SH3RF1: variants seen among roughly 807,000 people sequenced by gnomAD.
The protein encoded by SH3RF1 is SH3 domain containing ring finger 1.
A neutral mutation model predicts 74.0 loss-of-function variants in SH3RF1; 32 were observed. That is an observed-to-expected ratio of 0.43 (90% CI 0.33 to 0.58). The LOEUF is 0.58. Among genes scored for constraint, SH3RF1 ranks in the 20% least tolerant of loss-of-function variants. The pLI is 0.05. For synonymous variants in SH3RF1, 396 were observed against 439.6 expected, an observed-to-expected ratio of 0.90 and a Z score of 1.24; for missense variants, 954 against 1,130.9, an observed-to-expected ratio of 0.84 and a Z score of 2.24.
intron 10 of SH3RF1, among the ~76,000 whole-genome samples, chr4:169,113,427 G>C (rs1289851638): frequency 6.6e-6 from 1 of 152,104 alleles, no homozygotes; most frequent in Non-Finnish European, 1.5e-5. Flanking sequence ...TCAAACACAT[G>C]ACACCAAAGC....
chr4:169,235,331 T>C (rs1367320464), intron 2 of SH3RF1, among the ~76,000 whole-genome samples: 8 of 152,348 alleles, frequency 5.3e-5, no homozygotes, highest in African/African-American at 1.9e-4. Context: ...CTCTCTGGCA[T>C]GACAAAATTC....
chr4:169,212,157 C>T (rs552328964), intron 2 of SH3RF1, among the ~76,000 whole-genome samples: 2 of 148,284 alleles, frequency 1.3e-5, no homozygotes, highest in Non-Finnish European at 3.0e-5. Context: ...CCCCGCCTCC[C>T]GGGTTCAAGC....
intron 10 of SH3RF1, among the ~76,000 whole-genome samples, chr4:169,113,275 T>C (rs1198923713): frequency 6.6e-6 from 1 of 152,124 alleles, no homozygotes; most frequent in Non-Finnish European, 1.5e-5. Flanking sequence ...CACACCCAGC[T>C]AATTTTTGTA....
At position 169,130,165 on chromosome 4, in the gene SH3RF1, A is replaced by T; in HGVS notation, c.1069-9T>A. ...GTGGTACTTATATGAACCTGCCGAG[A>T]AAAGAAAAGTTATTAAAAAGAAGAC... On this transcript the variant is annotated splice_polypyrimidine_tract_variant and intron_variant, in intron 5 of 11. Coordinates refer to ENST00000284637, the MANE Select transcript of SH3RF1 (RefSeq NM_020870.4). 1.9e-5 allele frequency: 29 copies of T among 1,540,954 alleles called. No individual in the cohort carries two copies. The highest frequency in any genetic ancestry group is 2.5e-5 in the Non-Finnish European group (29 of 1,150,434).
chr4:169,175,836 CA>C (rs959802659), intron 2 of SH3RF1, among the ~76,000 whole-genome samples: 1 of 152,166 alleles, frequency 6.6e-6, no homozygotes, highest in African/African-American at 2.4e-5. Context: ...CCCCATCCCC[CA>C]ATTCATAAAT....
At chr4:169,128,982 G>C (rs1012255980) in intron 6 of SH3RF1, among the ~76,000 whole-genome samples, 2 of 152,154 alleles carry the variant, frequency 1.3e-5, no homozygotes, top group Admixed American at 6.5e-5. Flanking sequence ...TTTATGGCTA[G>C]GGTTACTGAG....
chr4:169,250,334 T>C (rs1731080662), intron 2 of SH3RF1, among the ~76,000 whole-genome samples: 1 of 151,748 alleles, frequency 6.6e-6, no homozygotes, highest in Admixed American at 6.6e-5. Flanking sequence ...AAAAAAAGCT[T>C]GCGGCAAGAT....
At chr4:169,194,296 C>T (rs1268582093) in intron 2 of SH3RF1, among the ~76,000 whole-genome samples, 1 of 152,200 alleles carries the variant, frequency 6.6e-6, no homozygotes, top group Non-Finnish European at 1.5e-5. Context: ...GGAACAACCA[C>T]CAGGACAAGA....
intron 2 of SH3RF1, among the ~76,000 whole-genome samples, chr4:169,158,203 G>A (rs1452660624): frequency 1.3e-5 from 2 of 152,170 alleles, no homozygotes; most frequent in Non-Finnish European, 2.9e-5. Flanking sequence ...TAGGTCTCTC[G>A]TGTTTGGTGA....
chr4:169,191,520 T>G (rs1011120275), intron 2 of SH3RF1, among the ~76,000 whole-genome samples: 1 of 152,146 alleles, frequency 6.6e-6, no homozygotes, highest in Non-Finnish European at 1.5e-5. Flanking sequence ...CCATCATTAT[T>G]CTTTGAGGAA....
At chr4:169,212,147 C>CCCCGCCTCCCGGGTTCAAGCG (rs1554009027) in intron 2 of SH3RF1, among the ~76,000 whole-genome samples, 2 of 149,194 alleles carry the variant, frequency 1.3e-5, no homozygotes, top group African/African-American at 5.0e-5. Context: ...TCACTGCAAC[C>CCCCGCCTCCCGGGTTCAAGCG]CCCGCCTCCC....
chr4:169,102,067 C>A (rs1011407378), intron 11 of SH3RF1, among the ~76,000 whole-genome samples: 10 of 152,152 alleles, frequency 6.6e-5, no homozygotes, highest in Admixed American at 3.3e-4. Flanking sequence ...CCTGGTATAG[C>A]CCAAATTGGC....
At chr4:169,257,446 C>T (rs2110754157) in intron 2 of SH3RF1, among the ~76,000 whole-genome samples, 1 of 152,272 alleles carries the variant, frequency 6.6e-6, no homozygotes. Context: ...ATCCTTTTCA[C>T]TCTCAAAAAT....
intron 2 of SH3RF1, among the ~76,000 whole-genome samples, chr4:169,160,975 G>A (rs1201219153): frequency 6.6e-6 from 1 of 152,218 alleles, no homozygotes; most frequent in African/African-American, 2.4e-5. Context: ...AGGTCTGAGA[G>A]TCATGTCATC....
intron 2 of SH3RF1, among the ~76,000 whole-genome samples, chr4:169,184,973 C>A (rs11721702): frequency 6.6e-6 from 1 of 151,958 alleles, no homozygotes; most frequent in African/African-American, 2.4e-5. Flanking sequence ...TACAGGACCA[C>A]GAGGATAAAA....
intron 2 of SH3RF1, among the ~76,000 whole-genome samples, chr4:169,230,286 G>C (rs1445113189): frequency 1.3e-5 from 2 of 152,134 alleles, no homozygotes; most frequent in Non-Finnish European, 2.9e-5. Context: ...TGTTTATAAA[G>C]AATCCAAATG....
intron 2 of SH3RF1, among the ~76,000 whole-genome samples, chr4:169,212,736 G>T (rs1235444133): frequency 1.3e-5 from 2 of 152,070 alleles, no homozygotes; most frequent in African/African-American, 4.8e-5. Context: ...TTATATCAGG[G>T]TTCCCTCTTG....
At chr4:169,130,607 T>C (rs1378759026) in intron 5 of SH3RF1, among the ~76,000 whole-genome samples, 2 of 152,230 alleles carry the variant, frequency 1.3e-5, no homozygotes, top group Non-Finnish European at 2.9e-5. Context: ...GGTATTTTGC[T>C]ATTTTCAGGA....
chr4:169,193,434 T>G (rs1366704702), intron 2 of SH3RF1, among the ~76,000 whole-genome samples: 2 of 151,938 alleles, frequency 1.3e-5, no homozygotes, highest in African/African-American at 4.8e-5. Flanking sequence ...CCCCAGAGAG[T>G]TATTTGGGGG....
Sources: allele counts gnomAD v4.1 joint callset (sites outside exome capture counted in the v4.1 genomes callset), GRCh38; gene constraint gnomAD v4.1.1; transcripts MANE v1.5; gene names NCBI Gene and HGNC (gene_info 2026-07-23, HGNC 2026-07-21).